CBLL1: variants seen among roughly 807,000 people sequenced by gnomAD.
The protein encoded by CBLL1 is E3 ubiquitin-protein ligase Hakai.
A neutral mutation model predicts 44.9 loss-of-function variants in CBLL1; 4 were observed. The observed-to-expected ratio is 0.09, with a 90% confidence interval of 0.04 to 0.20. CBLL1 has a LOEUF of 0.20. Ranked by LOEUF, CBLL1 falls within the 10% of genes least tolerant of loss-of-function variation. The pLI is 1.00. For synonymous variants in CBLL1, 235 were observed against 202.2 expected (o/e 1.16, Z -1.38); for missense variants, 569 against 636.7 (o/e 0.89, Z 1.14).
intron 2 of CBLL1, among the ~76,000 whole-genome samples, chr7:107,752,835 G>T (rs1428022577): frequency 6.6e-6 from 1 of 152,102 alleles, no homozygotes; most frequent in African/African-American, 2.4e-5. Context: ...AATTAATCAG[G>T]GAGTGGTTTT....
At chr7:107,754,466 A>G (rs982903749) in intron 4 of CBLL1, among the ~76,000 whole-genome samples, 14 of 152,148 alleles carry the variant, frequency 9.2e-5, no homozygotes, top group African/African-American at 3.1e-4. Context: ...ATTTTATAGT[A>G]ATTTTCACAT....
chr7:107,755,922 T>C (rs1793507507), intron 5 of CBLL1, among the ~76,000 whole-genome samples: 1 of 152,118 alleles, frequency 6.6e-6, no homozygotes, highest in African/African-American at 2.4e-5. Context: ...CCTTGAGGTA[T>C]TTTTAGGATT....
chr7:107,758,181 G>A lies in CBLL1; in HGVS notation c.479G>A (p.Arg160Gln), dbSNP rs768405085. 1.5e-5 allele frequency: 25 copies of A among 1,613,618 alleles called. No homozygotes were observed. In the South Asian group the frequency reaches 1.9e-4, roughly 12 times the overall value. The change falls in exon 6 of 6, where the codon CGA becomes CAA. Residue 160 changes from arginine to glutamine, a missense_variant. This residue lies in a region of CBLL1 where 209 missense variants were observed against 202.8 expected (regional missense o/e 1.03). Transcript: ENST00000440859. This position sits in a 1 kb window ranked among gnomAD's most constrained non-coding sequence, Gnocchi z 4.2. ...DPVQRIEQCT[R>Q]GSLFMCSIVQ... ...GTGCAGCGAATTGAGCAGTGTACAC[G>A]AGGTTCTCTCTTCATGTGTAGCATT...
chr7:107,758,672 G>C lies in CBLL1; in HGVS notation c.970G>C (p.Gly324Arg). ...APAHHHPEYQ[G>R]QPVVSHPHHI... The stretch of plus-strand genomic sequence containing the variant: ...TGCTCACCATCATCCTGAATATCAG[G>C]GTCAACCAGTGGTATCGCACCCTCA... The change falls in exon 6 of 6, where the codon GGT becomes CGT. Residue 324 changes from glycine (G) to arginine (R), a missense_variant. Around this residue, in one of 5 missense-constraint regions of CBLL1, gnomAD observed 228 missense variants for 253.2 expected, o/e 0.90. Coordinates refer to ENST00000440859, the MANE Select transcript of CBLL1 (RefSeq NM_024814.4). The surrounding 1 kb of genome is among the most constrained non-coding windows in gnomAD (Gnocchi z 4.2). 1.9e-6 allele frequency: 3 copies of C among 1,613,746 alleles called. No homozygotes were observed. The highest frequency in any genetic ancestry group is 2.5e-6 in the Non-Finnish European group (3 of 1,179,926).
At chr7:107,751,450 A>G (rs879356529) in intron 2 of CBLL1, among the ~76,000 whole-genome samples, 46 of 152,252 alleles carry the variant, frequency 3.0e-4, no homozygotes, top group Non-Finnish European at 4.4e-4. Context: ...TATTCCAGCA[A>G]TTTGTCTGTA....
At position 107,756,084 on chromosome 7, in the gene CBLL1, TCAAA is replaced by T. The variant is rs542740070; in HGVS notation, c.440+597_440+600del. Among the ~76,000 whole-genome samples, 1,089 of 152,306 alleles carry T rather than the reference TCAAA, an allele frequency of 7.2e-3. 6 individuals are homozygous for T. The highest frequency in any genetic ancestry group is 0.017 in the Middle Eastern group (5 of 294). On this transcript the variant is annotated intron_variant, in intron 5 of 5. Transcript: ENST00000440859. ...CTTAGAACACCATCATTACATAGTC[TCAAA>T]CAAGTTATAAAAAGCTAGGTCCATT...
intron 2 of CBLL1, among the ~76,000 whole-genome samples, chr7:107,751,153 G>A (rs1793271814): frequency 6.6e-6 from 1 of 152,132 alleles, no homozygotes; most frequent in African/African-American, 2.4e-5. Flanking sequence ...TGCGGGGAGT[G>A]GTTTCGGGAT....
intron 4 of CBLL1, 136 bp downstream of exon 4, chr7:107,754,114 A>G (rs1793427932): frequency 2.3e-6 from 1 of 441,074 alleles, no homozygotes; most frequent in Admixed American, 4.1e-5. Context: ...TAAGGGAAGT[A>G]TTGGAATACT....
At chr7:107,746,450 A>G (rs1177352434) in intron 1 of CBLL1, among the ~76,000 whole-genome samples, 1 of 152,208 alleles carries the variant, frequency 6.6e-6, no homozygotes, top group Non-Finnish European at 1.5e-5. Context: ...GTTTAGTATC[A>G]GAAGACAGTA....
Position 107,758,812 on chromosome 7 carries a change from C to T in CBLL1, c.1110C>T (p.Ser370=). The T allele has an allele frequency of 6.2e-7, 1 of 1,613,734 alleles. No homozygotes were observed. The highest frequency in any genetic ancestry group is 8.5e-7 in the Non-Finnish European group (1 of 1,179,878). The stretch of plus-strand genomic sequence containing the variant: ...CAGGTACTCCTCACTTGGTATATAG[C>T]CAAGCTCCACCTCCACCAATGACCT... ...QAAGTPHLVY[S]QAPPPPMTSA... is the part of the protein sequence containing the mutation. Residue 370 remains serine, a synonymous_variant, in exon 6 of 6, where the codon AGC becomes AGT. Transcript: ENST00000440859. This position sits in a 1 kb window ranked among gnomAD's most constrained non-coding sequence, Gnocchi z 4.2.
intron 1 of CBLL1, among the ~76,000 whole-genome samples, chr7:107,748,349 G>A (rs1198301744): frequency 6.6e-6 from 1 of 152,054 alleles, no homozygotes; most frequent in Non-Finnish European, 1.5e-5. Context: ...TAATTATTTT[G>A]CGCTTAAGGA....
chr7:107,744,403 T>C, intron 1 of CBLL1: 1 of 507,624 alleles, frequency 2.0e-6, no homozygotes, highest in Non-Finnish European at 3.4e-6. Flanking sequence ...CCGCTCCTAC[T>C]CTGGTTCTGC....
rs1182409569 is a variant in CBLL1 at position 107,759,103 on chromosome 7, G to C, written c.1401G>C (p.Gln467His). ...PRGPPPPPRL[Q>H]GPPSQTPLPG... is the part of the protein sequence containing the mutation. ...GGCCACCACCACCTCCACGATTGCA[G>C]GGTCCGCCTTCTCAAACCCCACTTC... The change falls in exon 6 of 6, where the codon CAG (glutamine) becomes CAC (histidine). Residue 467 changes from glutamine (Q) to histidine (H), a missense_variant. By Grantham distance (24) the Gln-to-His change is conservative (BLOSUM62 0). Coordinates refer to ENST00000440859, the MANE Select transcript of CBLL1 (RefSeq NM_024814.4). 6.2e-7 allele frequency: 1 copy of C among 1,614,002 alleles called. No homozygotes were observed. The highest frequency in any genetic ancestry group is 2.2e-5 in the East Asian group (1 of 44,880).
At chr7:107,756,452 A>G (rs1793531382) in intron 5 of CBLL1, among the ~76,000 whole-genome samples, 1 of 152,192 alleles carries the variant, frequency 6.6e-6, no homozygotes, top group Admixed American at 6.5e-5. Context: ...TGTTCTATGA[A>G]TTTAAAAAAT....
intron 4 of CBLL1, among the ~76,000 whole-genome samples, chr7:107,755,130 G>GA (rs905448334): frequency 2.0e-5 from 3 of 151,792 alleles, no homozygotes; most frequent in African/African-American, 7.3e-5. Context: ...TAAAAAAAAG[G>GA]AAAAAAACGT....
At chr7:107,751,232 A>G (rs560638984) in intron 2 of CBLL1, among the ~76,000 whole-genome samples, 4 of 152,168 alleles carry the variant, frequency 2.6e-5, no homozygotes, top group East Asian at 3.9e-4. Flanking sequence ...ACGGTTCACA[A>G]TAGGGTTTGC....
Position 107,759,514 on chromosome 7 carries a change from C to T in CBLL1, c.*336C>T, listed in dbSNP as rs960233327. Reference sequence around the variant, plus strand: ...AAAAGTATTGTTTTGTTAAACCCAACGTTTAGTTTTTCTTGTGATACATTT... The same window carrying T: ...AAAAGTATTGTTTTGTTAAACCCAATGTTTAGTTTTTCTTGTGATACATTT... On this transcript the variant is annotated 3_prime_UTR_variant, in exon 6 of 6. Coordinates refer to ENST00000440859, the MANE Select transcript of CBLL1 (RefSeq NM_024814.4). 3 of 189,736 alleles carry T rather than the reference C, an allele frequency of 1.6e-5. No individual in the cohort carries two copies. Among genetic ancestry groups the T allele is most frequent in the African/African-American group, 7.0e-5 (3 of 42,906 alleles). The allele number at this position is 189,736 out of a possible 1,614,324, so 11.8% of individuals were successfully genotyped here.
rs756977401 is a variant in CBLL1, at chr7:107,749,020, C to T, written c.154C>T (p.Pro52Ser). ...AACTCAAAGAACTATAAACAGGATG[C>T]CTGCAAAGGCTCCACCTGGTGATGA... ...PRTQRTINRM[P>S]AKAPPGDEEG... The change falls in exon 2 of 6, where the codon CCT (proline) becomes TCT (serine). Residue 52 changes from proline to serine, a missense_variant. Pro to Ser is a moderately conservative substitution (Grantham distance 74, BLOSUM62 -1). Coordinates refer to ENST00000440859, the MANE Select transcript of CBLL1 (RefSeq NM_024814.4). 5.4e-5 allele frequency: 87 copies of T among 1,613,934 alleles called. No homozygotes were observed. The highest frequency in any genetic ancestry group is 3.5e-4 in the Admixed American group (21 of 59,980).
chr7:107,756,511 C>A (rs1031030770), intron 5 of CBLL1, among the ~76,000 whole-genome samples: 1 of 152,036 alleles, frequency 6.6e-6, no homozygotes, highest in Non-Finnish European at 1.5e-5. Flanking sequence ...ATTAGAAATA[C>A]ATATCACTTG....
Sources: gnomAD v4.1 joint callset for allele counts (sites outside exome capture counted in the v4.1 genomes callset) on GRCh38, gnomAD v4.1.1 for gene constraint, gnomAD v4.1.1 regional missense constraint, Gnocchi (gnomAD v3.1) non-coding constraint, MANE v1.5 for transcripts, NCBI Gene and HGNC (gene_info 2026-07-23, HGNC 2026-07-21) for gene names.